The following SPATS2L variants were observed in gnomAD, a reference collection of about 807,000 sequenced individuals.
SPATS2L encodes the protein SPATS2-like protein.
In SPATS2L, 30 loss-of-function variants were observed where a neutral mutation model predicts 59.6. The observed-to-expected ratio is 0.50, with a 90% CI of 0.38 to 0.68. The LOEUF (loss-of-function observed/expected upper bound fraction) is 0.68. Among genes scored for constraint, SPATS2L ranks in the 30% least tolerant of loss-of-function variants. The pLI is 0.00. For missense variants in SPATS2L, 615 were observed against 700.0 expected, an observed-to-expected ratio of 0.88 and a Z score of 1.37; for synonymous variants, 252 against 263.5, an observed-to-expected ratio of 0.96 and a Z score of 0.42.
intron 9 of SPATS2L, among the ~76,000 whole-genome samples, chr2:200,460,472 G>A (rs958363786): frequency 7.2e-5 from 11 of 152,122 alleles, no homozygotes; most frequent in Non-Finnish European, 1.0e-4. Context: ...AAGGCTGGGC[G>A]CGGTGGCTTA....
upstream of SPATS2L, chr2:200,306,353 G>T: frequency 1.0e-6 from 1 of 1,002,386 alleles, no homozygotes; most frequent in Non-Finnish European, 1.2e-6. Context: ...TCATTAACAA[G>T]GGGAGTTTCG....
chr2:200,325,668 C>A (rs754851161), intron 1 of SPATS2L, among the ~76,000 whole-genome samples: 1 of 152,038 alleles, frequency 6.6e-6, no homozygotes, highest in Non-Finnish European at 1.5e-5. Context: ...TGTGAGCCAC[C>A]GCCCTGGCCA....
At chr2:200,382,713 G>A (rs918621885) in intron 2 of SPATS2L, among the ~76,000 whole-genome samples, 1 of 152,066 alleles carries the variant, frequency 6.6e-6, no homozygotes, top group African/African-American at 2.4e-5. Context: ...TTGTGCTTCA[G>A]TTTCCACGTA....
At chr2:200,443,147 A>C (rs114312304) in intron 8 of SPATS2L, among the ~76,000 whole-genome samples, 1 of 152,226 alleles carries the variant, frequency 6.6e-6, no homozygotes, top group African/African-American at 2.4e-5. Context: ...CCTGCCAAAC[A>C]GAAAAACCTT....
intron 1 of SPATS2L, among the ~76,000 whole-genome samples, chr2:200,311,463 T>C (rs2079189557): frequency 6.6e-6 from 1 of 152,236 alleles, no homozygotes; most frequent in Non-Finnish European, 1.5e-5. Context: ...AAAAAAAGCA[T>C]TGAGGCTTTA....
chr2:200,462,112 T>A (rs1052819250), intron 9 of SPATS2L, among the ~76,000 whole-genome samples: 4 of 152,210 alleles, frequency 2.6e-5, no homozygotes, highest in Non-Finnish European at 5.9e-5. Context: ...ATAGCTTACT[T>A]CAGTTTCATG....
At chr2:200,354,981 CT>C (rs923723594) in intron 2 of SPATS2L, among the ~76,000 whole-genome samples, 156 of 149,150 alleles carry the variant, frequency 1.0e-3, no homozygotes, top group African/African-American at 3.4e-3. Flanking sequence ...CCGTGAATGA[CT>C]TTTTTTTTTA....
At chr2:200,420,126 T>C (rs1322987889) in intron 6 of SPATS2L, among the ~76,000 whole-genome samples, 1 of 152,208 alleles carries the variant, frequency 6.6e-6, no homozygotes, top group African/African-American at 2.4e-5. Context: ...ATATATTTAT[T>C]ACTCTTCAAA....
chr2:200,382,030 G>T lies in SPATS2L; in HGVS notation c.-22-7193G>T, dbSNP rs1050187568. On this transcript the variant is annotated intron_variant, in intron 2 of 12. Coordinates refer to ENST00000409140, the MANE Select transcript of SPATS2L (RefSeq NM_001100423.2). ...CTCTTTGCACCTTCACCTGAGGTAG[G>T]AAGCTGCAGGAAAACAGCCGTTTTT... Among the ~76,000 whole-genome samples, 3 of 152,162 alleles carry T rather than the reference G, an allele frequency of 2.0e-5. No individual in the cohort carries two copies. In the East Asian group the frequency reaches 5.8e-4, roughly 29 times the overall value.
At chr2:200,364,855 G>T (rs2081220265) in intron 2 of SPATS2L, among the ~76,000 whole-genome samples, 2 of 152,180 alleles carry the variant, frequency 1.3e-5, no homozygotes, top group Admixed American at 6.5e-5. Flanking sequence ...GGTGGGTTGG[G>T]CATTCTAGAG....
chr2:200,394,555 T>A (rs962494244), intron 3 of SPATS2L, among the ~76,000 whole-genome samples: 1 of 152,216 alleles, frequency 6.6e-6, no homozygotes, highest in Non-Finnish European at 1.5e-5. Context: ...TGATACATAG[T>A]TGACCCCCAG....
At chr2:200,438,363 T>C (rs2084447779) in intron 6 of SPATS2L, among the ~76,000 whole-genome samples, 2 of 152,152 alleles carry the variant, frequency 1.3e-5, no homozygotes, top group Non-Finnish European at 2.9e-5. Flanking sequence ...CAAAACTTTC[T>C]CTGGTAGTAA....
At position 200,465,993 on chromosome 2, in the gene SPATS2L, C is replaced by T. The variant is rs558326949; in HGVS notation, c.848-1297C>T. Among the ~76,000 whole-genome samples, 3 of 152,326 alleles carry T rather than the reference C, an allele frequency of 2.0e-5. No homozygotes were observed. The East Asian group carries it at 5.8e-4, about 29-fold the overall frequency. ...CTTGCAGTGAGCCGAGATCATGCCA[C>T]GGCACTCCAGCCTGGACGAAAGAGC... On this transcript the variant is annotated intron_variant, in intron 9 of 12. Coordinates refer to ENST00000409140, the MANE Select transcript of SPATS2L (RefSeq NM_001100423.2).
chr2:200,448,629 T>C (rs952387804), intron 8 of SPATS2L, among the ~76,000 whole-genome samples: 2 of 152,212 alleles, frequency 1.3e-5, no homozygotes, highest in Non-Finnish European at 2.9e-5. Flanking sequence ...ATGATCAAAA[T>C]CTATACAAAC....
At chr2:200,431,176 C>T (rs758679036) in intron 6 of SPATS2L, among the ~76,000 whole-genome samples, 4 of 152,010 alleles carry the variant, frequency 2.6e-5, no homozygotes, top group Admixed American at 6.6e-5. Flanking sequence ...TATTACTGTC[C>T]GGAAAGGTTG....
At chr2:200,313,205 C>T (rs958683794) in intron 1 of SPATS2L, among the ~76,000 whole-genome samples, 1 of 152,208 alleles carries the variant, frequency 6.6e-6, no homozygotes, top group Non-Finnish European at 1.5e-5. Context: ...ACGCCTGTGG[C>T]TCTGCAGGTG....
At chr2:200,376,340 A>G (rs1283998335) in intron 2 of SPATS2L, among the ~76,000 whole-genome samples, 1 of 152,244 alleles carries the variant, frequency 6.6e-6, no homozygotes, top group Non-Finnish European at 1.5e-5. Context: ...ACCCCCTAGA[A>G]TCCTGAGCAT....
chr2:200,386,668 C>T (rs1378614403), intron 2 of SPATS2L, among the ~76,000 whole-genome samples: 2 of 152,202 alleles, frequency 1.3e-5, no homozygotes, highest in African/African-American at 4.8e-5. Flanking sequence ...TGTTAGATTT[C>T]ACATATCTGT....
chr2:200,354,191 T>C (rs1230907942), intron 2 of SPATS2L, among the ~76,000 whole-genome samples: 1 of 152,228 alleles, frequency 6.6e-6, no homozygotes, highest in Non-Finnish European at 1.5e-5. Flanking sequence ...GTGAAGGCTC[T>C]CTGCTCTGAA....
Sources: allele counts gnomAD v4.1 joint callset (sites outside exome capture counted in the v4.1 genomes callset), GRCh38; gene constraint gnomAD v4.1.1; transcripts MANE v1.5; gene names NCBI Gene and HGNC (gene_info 2026-07-23, HGNC 2026-07-21).